The following LINGO2 variants were observed in gnomAD, a reference collection of about 807,000 sequenced individuals.
LINGO2 encodes the protein leucine-rich repeat and immunoglobulin-like domain-containing nogo receptor-interacting protein 2.
Under a neutral mutation model 30.6 loss-of-function variants are expected in LINGO2, and 14 were observed. The ratio of observed to expected loss-of-function variants is 0.46; its 90% confidence interval spans 0.30 to 0.72. LINGO2 has a LOEUF of 0.72. Ranked by LOEUF, LINGO2 falls within the 30% of genes least tolerant of loss-of-function variation. The pLI is 0.07. For synonymous variants in LINGO2, 317 were observed against 288.5 expected, an observed-to-expected ratio of 1.10 and a Z score of -1.00; for missense variants, 729 against 751.7, an observed-to-expected ratio of 0.97 and a Z score of 0.35.
intron 1 of LINGO2, among the ~76,000 whole-genome samples, chr9:28,601,536 T>C (rs1204183983): frequency 6.7e-6 from 1 of 149,344 alleles, no homozygotes; most frequent in Non-Finnish European, 1.5e-5. Context: ...AGAGTGTCAC[T>C]CAATCAGAGT....
At chr9:28,305,648 C>A (rs879723678) in intron 3 of LINGO2, among the ~76,000 whole-genome samples, 8 of 151,948 alleles carry the variant, frequency 5.3e-5, no homozygotes, top group Non-Finnish European at 1.2e-4. Context: ...GGGGATGACT[C>A]TTTCACAACG....
the LINGO2 span, among the ~76,000 whole-genome samples, chr9:28,768,978 A>G: frequency 6.6e-6 from 1 of 152,158 alleles, no homozygotes; most frequent in Non-Finnish European, 1.5e-5. Context: ...AGACACAGAT[A>G]GAAATATTGT....
chr9:28,320,580 A>G (rs1289838356), intron 3 of LINGO2, among the ~76,000 whole-genome samples: 1 of 152,168 alleles, frequency 6.6e-6, no homozygotes. Context: ...CACTTAGGCA[A>G]TATGTTCTAG....
chr9:28,248,524 G>T (rs540816592), intron 4 of LINGO2, among the ~76,000 whole-genome samples: 46 of 152,256 alleles, frequency 3.0e-4, no homozygotes, highest in African/African-American at 1.1e-3. Flanking sequence ...AACAAAATTA[G>T]AAAGAATGAA....
intron 4 of LINGO2, among the ~76,000 whole-genome samples, chr9:28,229,443 T>C (rs1821282585): frequency 6.6e-6 from 1 of 151,446 alleles, no homozygotes; most frequent in Non-Finnish European, 1.5e-5. Context: ...TAGGAACAAG[T>C]ATCAGAGGAG....
chr9:28,640,304 G>A (rs549328408), intron 1 of LINGO2, among the ~76,000 whole-genome samples: 1 of 152,122 alleles, frequency 6.6e-6, no homozygotes, highest in Admixed American at 6.5e-5. Context: ...GTGTCTTGGA[G>A]TTGCTCTTCT....
In LINGO2 at chr9:28,552,442, G is replaced by C. The variant is rs568401661; in HGVS notation, c.-364-76417C>G. The stretch of plus-strand genomic sequence containing the variant: ...GTCTCATCAGAATCACGAACACTTG[G>C]TCTTATTGTTTACTAGCTTATTTCA... On this transcript the variant is annotated intron_variant, in intron 1 of 5. Transcript: ENST00000379992. Among the ~76,000 whole-genome samples, 3 of 152,028 alleles carry C rather than the reference G, an allele frequency of 2.0e-5. No homozygotes were observed. The South Asian group carries it at 6.2e-4, about 32-fold the overall frequency.
chr9:28,745,052 G>C, the LINGO2 span, among the ~76,000 whole-genome samples: 2 of 152,012 alleles, frequency 1.3e-5, no homozygotes, highest in African/African-American at 4.8e-5. Flanking sequence ...CTTTATCATA[G>C]ACATGTATGT....
At chr9:28,149,384 G>C in intron 4 of LINGO2, 1 of 446,802 alleles carries the variant, frequency 2.2e-6, no homozygotes, top group East Asian at 4.4e-5. Context: ...CCTCTGCCAG[G>C]CTGCTCCACC....
the LINGO2 span, among the ~76,000 whole-genome samples, chr9:29,011,264 A>C: frequency 6.6e-6 from 1 of 152,192 alleles, no homozygotes; most frequent in Admixed American, 6.5e-5. Context: ...GTACACGGAC[A>C]TCTGAATGTA....
At chr9:28,839,637 GGGGTTTTTACATGCT>G in the LINGO2 span, among the ~76,000 whole-genome samples, 3 of 152,226 alleles carry the variant, frequency 2.0e-5, no homozygotes, top group African/African-American at 7.2e-5. Flanking sequence ...GCTGAGTCCA[GGGGTTTTTACATGCT>G]TCAGAGGGGA....
intron 2 of LINGO2, among the ~76,000 whole-genome samples, chr9:28,430,109 C>CGTGCGTGTGT (rs1554720108): frequency 2.9e-5 from 4 of 136,204 alleles, no homozygotes; most frequent in Admixed American, 1.4e-4. Flanking sequence ...CGCGCGCGCG[C>CGTGCGTGTGT]GTGTGTGTGT....
the LINGO2 span, among the ~76,000 whole-genome samples, chr9:28,891,574 CT>C: frequency 6.6e-6 from 1 of 151,714 alleles, no homozygotes; most frequent in African/African-American, 2.4e-5. Context: ...AGTCTGGTAC[CT>C]TTGGGGTGAG....
chr9:28,855,625 A>T, the LINGO2 span, among the ~76,000 whole-genome samples: 13 of 151,874 alleles, frequency 8.6e-5, no homozygotes, highest in Admixed American at 8.6e-4. Flanking sequence ...ACACATGCCA[A>T]AGAAAATATA....
At chr9:29,120,176 C>T in the LINGO2 span, among the ~76,000 whole-genome samples, 2 of 152,126 alleles carry the variant, frequency 1.3e-5, 1 homozygote, top group African/African-American at 4.8e-5. Flanking sequence ...TCCATGTTAG[C>T]CAGTCTGTTT....
rs1331650775 is a variant in LINGO2 at position 27,956,564 on chromosome 9, AT to A, written c.-35-5859del. ...TTTTAAAATTTAAATCCATTTTAAC[AT>A]TTTTTTAATGATTTGTCCTTTTGGT... On this transcript the variant is annotated intron_variant, in intron 5 of 5. Coordinates refer to ENST00000379992, the Ensembl canonical transcript of LINGO2. 7.9e-5 allele frequency among the ~76,000 whole-genome samples: 12 copies of A among 151,896 alleles called. No homozygotes were observed. The East Asian group carries it at 2.1e-3, about 27-fold the overall frequency.
chr9:28,051,788 A>C (rs769961091), intron 4 of LINGO2, among the ~76,000 whole-genome samples: 1 of 152,102 alleles, frequency 6.6e-6, no homozygotes, highest in African/African-American at 2.4e-5. Flanking sequence ...AAGTTGATAT[A>C]AACAGATTTC....
chr9:28,753,344 T>C, the LINGO2 span, among the ~76,000 whole-genome samples: 2 of 152,092 alleles, frequency 1.3e-5, no homozygotes, highest in African/African-American at 2.4e-5. Flanking sequence ...TACAGAAAAG[T>C]ATTTCGTTCA....
chr9:28,472,842 C>T (rs1452803621), intron 2 of LINGO2, among the ~76,000 whole-genome samples: 1 of 152,026 alleles, frequency 6.6e-6, no homozygotes, highest in African/African-American at 2.4e-5. Context: ...TATTTGTTGC[C>T]TCCAAAGACA....
Sources: gnomAD v4.1 joint callset for allele counts (sites outside exome capture counted in the v4.1 genomes callset) on GRCh38, gnomAD v4.1.1 for gene constraint, MANE v1.5 for transcripts, NCBI Gene and HGNC (gene_info 2026-07-23, HGNC 2026-07-21) for gene names.